CUX2: variants seen among roughly 807,000 people sequenced by gnomAD.
CUX2 encodes homeobox protein cut-like 2.
In CUX2, 40 loss-of-function variants were observed where a neutral mutation model predicts 144.8. That is an observed-to-expected ratio of 0.28 (90% CI 0.21 to 0.36). The LOEUF is 0.36. Among genes scored for constraint, CUX2 ranks in the 10% least tolerant of loss-of-function variants. The pLI is 1.00. For missense variants in CUX2, 1,615 were observed against 1,994.0 expected (o/e 0.81, Z 3.62); for synonymous variants, 827 against 875.6 (o/e 0.94, Z 0.98).
At position 111,304,388 on chromosome 12, in the gene CUX2, A is replaced by G; in HGVS notation, c.858+74A>G. On this transcript the variant is annotated intron_variant, in intron 10 of 21. Transcript: ENST00000261726. This position sits in a 1 kb window ranked among gnomAD's most constrained non-coding sequence, Gnocchi z 4.7. ...GGGAATGGCTGAGTTTGCAGGTTTCAGCATGTGGGTGACACTTTGTGGTTG... is the reference window on the plus strand; with the variant it reads ...GGGAATGGCTGAGTTTGCAGGTTTCGGCATGTGGGTGACACTTTGTGGTTG... The G allele has an allele frequency of 8.1e-7, 1 of 1,229,476 alleles. No individual in the cohort carries two copies. The highest frequency in any genetic ancestry group is 1.5e-5 in the African/African-American group (1 of 67,842). 76.2% of individuals were successfully genotyped at this position (1,229,476 alleles called of 1,614,324 possible).
intron 1 of CUX2, among the ~76,000 whole-genome samples, chr12:111,096,698 G>A (rs1872836768): frequency 6.6e-6 from 1 of 152,160 alleles, no homozygotes; most frequent in Non-Finnish European, 1.5e-5. Context: ...CAGGAGATCT[G>A]GCTTGAAGAA....
At chr12:111,265,366 G>A (rs1186217312) in intron 4 of CUX2, among the ~76,000 whole-genome samples, 2 of 144,910 alleles carry the variant, frequency 1.4e-5, no homozygotes, top group Non-Finnish European at 3.0e-5. Context: ...TTTTGAGACA[G>A]GGTCTTGCTC....
intron 1 of CUX2, among the ~76,000 whole-genome samples, chr12:111,138,502 C>A (rs889473690): frequency 3.3e-5 from 5 of 152,114 alleles, no homozygotes; most frequent in African/African-American, 1.2e-4. Context: ...GGTCAGGCTG[C>A]TTGACCTTTC....
intron 3 of CUX2, among the ~76,000 whole-genome samples, chr12:111,250,453 G>A (rs1056371580): frequency 2.0e-5 from 3 of 152,176 alleles, no homozygotes; most frequent in African/African-American, 7.2e-5. Flanking sequence ...GCGTTTGGAG[G>A]CTCAGATGCG....
intron 1 of CUX2, among the ~76,000 whole-genome samples, chr12:111,125,567 A>T (rs916863875): frequency 6.6e-6 from 1 of 152,176 alleles, no homozygotes; most frequent in Admixed American, 6.5e-5. Flanking sequence ...TGGCACATGG[A>T]TCAGTAATTC....
intron 1 of CUX2, among the ~76,000 whole-genome samples, chr12:111,054,458 A>G (rs928387296): frequency 6.6e-6 from 1 of 152,242 alleles, no homozygotes; most frequent in African/African-American, 2.4e-5. Context: ...GGCAGAATTT[A>G]CATGACCTTT....
At chr12:111,288,487 CT>C (rs1287773189) in intron 4 of CUX2, among the ~76,000 whole-genome samples, 1 of 151,942 alleles carries the variant, frequency 6.6e-6, no homozygotes, top group African/African-American at 2.4e-5. Flanking sequence ...CTTGATCCCT[CT>C]GCTTCCCAGC....
rs757950015 is a variant in CUX2, at chr12:111,160,566, G to A, written c.64-53634G>A. Reference sequence around the variant, plus strand: ...AGGGGGCGCGAGATGCGAGCAGGGAGCAGGGTGGCACTTGGCTGTGGAGGT... The same window carrying A: ...AGGGGGCGCGAGATGCGAGCAGGGAACAGGGTGGCACTTGGCTGTGGAGGT... On this transcript the variant is annotated intron_variant, in intron 1 of 21. Transcript: ENST00000261726. The surrounding 1 kb of genome is among the most constrained non-coding windows in gnomAD (Gnocchi z 4.1). Among the ~76,000 whole-genome samples the A allele has an allele frequency of 3.3e-5, 5 of 152,212 alleles. No homozygotes were observed. Among genetic ancestry groups the A allele is most frequent in the African/African-American group, 4.8e-5 (2 of 41,464 alleles).
intron 1 of CUX2, among the ~76,000 whole-genome samples, chr12:111,133,573 C>T (rs1217259589): frequency 2.0e-5 from 3 of 152,200 alleles, no homozygotes; most frequent in Non-Finnish European, 4.4e-5. Context: ...CTTTGGGTCC[C>T]TCCCACAACA....
At chr12:111,335,782 G>A (rs1888325289) in intron 19 of CUX2, among the ~76,000 whole-genome samples, 1 of 152,118 alleles carries the variant, frequency 6.6e-6, no homozygotes, top group Non-Finnish European at 1.5e-5. Flanking sequence ...ACATTGTGGT[G>A]AATGCCTATA....
At chr12:111,272,999 C>G (rs569663950) in intron 4 of CUX2, among the ~76,000 whole-genome samples, 1 of 152,284 alleles carries the variant, frequency 6.6e-6, no homozygotes, top group South Asian at 2.1e-4. Flanking sequence ...CGAGCCGTGG[C>G]GTCTCATTAG....
intron 3 of CUX2, among the ~76,000 whole-genome samples, chr12:111,238,570 C>T (rs1882873448): frequency 6.6e-6 from 1 of 152,182 alleles, no homozygotes; most frequent in African/African-American, 2.4e-5. Context: ...GTGGCAGAGA[C>T]AAGATTTGAA....
In CUX2 at chr12:111,186,928, G is replaced by A. The variant is rs1235678826; in HGVS notation, c.64-27272G>A. ...TGAGTAGCTGGGATTACAGGCACGT[G>A]CCACCATGCCTGGCTAATTTTTGTA... On this transcript the variant is annotated intron_variant, in intron 1 of 21. Coordinates refer to ENST00000261726, the MANE Select transcript of CUX2 (RefSeq NM_015267.4). This position sits in a 1 kb window ranked among gnomAD's most constrained non-coding sequence, Gnocchi z 4.4. 6.6e-6 allele frequency among the ~76,000 whole-genome samples: 1 copy of A among 152,068 alleles called. No individual in the cohort carries two copies. Among genetic ancestry groups the A allele is most frequent in the African/African-American group, 2.4e-5 (1 of 41,400 alleles).
chr12:111,166,946 C>T (rs1878184702), intron 1 of CUX2, among the ~76,000 whole-genome samples: 1 of 152,150 alleles, frequency 6.6e-6, no homozygotes, highest in African/African-American at 2.4e-5. Flanking sequence ...ACGTGGAGTG[C>T]CGTTTGGAGG....
At chr12:111,143,700 G>C (rs753764527) in intron 1 of CUX2, among the ~76,000 whole-genome samples, 7 of 152,224 alleles carry the variant, frequency 4.6e-5, no homozygotes, top group Admixed American at 3.3e-4. Context: ...TTTTTCTGGA[G>C]GCCTCGCCGC....
intron 1 of CUX2, among the ~76,000 whole-genome samples, chr12:111,101,155 A>G (rs1566220776): frequency 1.3e-5 from 2 of 151,992 alleles, no homozygotes; most frequent in Non-Finnish European, 2.9e-5. Context: ...TTCAAGGTGC[A>G]CTCACCCCTC....
chr12:111,299,888 G>A (rs1337838127), intron 9 of CUX2, among the ~76,000 whole-genome samples: 1 of 152,022 alleles, frequency 6.6e-6, no homozygotes, highest in Non-Finnish European at 1.5e-5. Flanking sequence ...CTTTTTGTGG[G>A]GGGCAAGGGG....
At position 111,039,037 on chromosome 12, in the gene CUX2, G is replaced by A. The variant is rs538714760; in HGVS notation, c.63+4797G>A. Among the ~76,000 whole-genome samples the A allele has an allele frequency of 2.0e-5, 3 of 151,696 alleles. No homozygotes were observed. The highest frequency in any genetic ancestry group is 2.1e-4 in the South Asian group (1 of 4,812). On this transcript the variant is annotated intron_variant, in intron 1 of 21. Transcript: ENST00000261726. This position sits in a 1 kb window ranked among gnomAD's most constrained non-coding sequence, Gnocchi z 4.2. ...ATTCTGTCATGGTAACCTTTCTTCC[G>A]GCAGATGGGATTTCAAACGTGAGCA...
At chr12:111,264,267 G>C (rs947737669) in intron 4 of CUX2, among the ~76,000 whole-genome samples, 4 of 152,182 alleles carry the variant, frequency 2.6e-5, no homozygotes, top group African/African-American at 9.7e-5. Context: ...TTGAGTAAAA[G>C]CCAGCCCCAG....
Sources: gnomAD v4.1 joint callset for allele counts (sites outside exome capture counted in the v4.1 genomes callset) on GRCh38, gnomAD v4.1.1 for gene constraint, Gnocchi (gnomAD v3.1) non-coding constraint, MANE v1.5 for transcripts, NCBI Gene and HGNC (gene_info 2026-07-23, HGNC 2026-07-21) for gene names.